The following MECOM variants were observed in gnomAD, a reference collection of about 807,000 sequenced individuals.
MECOM encodes the protein histone-lysine N-methyltransferase MECOM.
A neutral mutation model predicts 116.3 loss-of-function variants in MECOM; 13 were observed. The observed-to-expected ratio is 0.11, with a 90% CI of 0.07 to 0.18. MECOM has a LOEUF of 0.18. MECOM is among the 10% of genes least tolerant of loss of function. MECOM has a pLI of 1.00. For synonymous variants in MECOM, 528 were observed against 535.2 expected (o/e 0.99, Z 0.19); for missense variants, 1,299 against 1,509.0 (o/e 0.86, Z 2.31).
At chr3:169,559,469 CT>C (rs1303195063) in intron 1 of MECOM, among the ~76,000 whole-genome samples, 1 of 152,172 alleles carries the variant, frequency 6.6e-6, no homozygotes, top group African/African-American at 2.4e-5. Context: ...CATAGGCATT[CT>C]ACTATACGTC....
chr3:169,104,387 C>A (rs991441269), intron 10 of MECOM, among the ~76,000 whole-genome samples: 10 of 152,126 alleles, frequency 6.6e-5, no homozygotes, highest in Non-Finnish European at 1.5e-4. Context: ...TTGTTCCTTG[C>A]AGAAAATCAT....
At chr3:169,095,583 A>AT (rs974529350) in intron 12 of MECOM, among the ~76,000 whole-genome samples, 4 of 152,118 alleles carry the variant, frequency 2.6e-5, no homozygotes, top group Admixed American at 6.5e-5. Flanking sequence ...AATACAACTA[A>AT]TTTTTTTGTA....
At chr3:169,612,478 T>C (rs1421049170) in intron 1 of MECOM, among the ~76,000 whole-genome samples, 3 of 152,162 alleles carry the variant, frequency 2.0e-5, no homozygotes, top group Non-Finnish European at 4.4e-5. Flanking sequence ...TGGCTTTTTG[T>C]CTTGTTTTTT....
rs188695153 is a variant in MECOM, at chr3:169,197,313, A to C, written c.376-53481T>G. ...CCTGCACAAGTACTCCTGAACCTAA[A>C]AATTAAAAATAAATAAATAAATAAA... On this transcript the variant is annotated intron_variant, in intron 2 of 16. Coordinates refer to ENST00000651503, the MANE Select transcript of MECOM (RefSeq NM_004991.4). Among the ~76,000 whole-genome samples the C allele has an allele frequency of 1.7e-3, 235 of 140,972 alleles. 2 individuals are homozygous for C. The highest frequency in any genetic ancestry group is 5.7e-3 in the African/African-American group (221 of 38,480). The allele number at this position is 140,972 out of a possible 152,430, so 92.5% of individuals were successfully genotyped here.
intron 1 of MECOM, among the ~76,000 whole-genome samples, chr3:169,400,633 G>A (rs1735727008): frequency 6.6e-6 from 1 of 152,178 alleles, no homozygotes; most frequent in South Asian, 2.1e-4. Context: ...TTTGATTCCT[G>A]CATTCTCAGA....
At chr3:169,486,151 T>C (rs114203577) in intron 1 of MECOM, among the ~76,000 whole-genome samples, 1,736 of 150,354 alleles carry the variant, frequency 0.012, 19 homozygotes, top group Admixed American at 0.021. Flanking sequence ...TTTGTGTTTT[T>C]AATTATTCTT....
intron 12 of MECOM, among the ~76,000 whole-genome samples, chr3:169,098,871 G>T (rs259661): frequency 6.6e-6 from 1 of 151,786 alleles, no homozygotes; most frequent in Non-Finnish European, 1.5e-5. Context: ...TTTATTAAAA[G>T]GTTGCAAAGA....
chr3:169,504,150 A>AGTGTGTGTGTGT (rs3044764), intron 1 of MECOM, among the ~76,000 whole-genome samples: 5,602 of 132,564 alleles, frequency 0.042, 185 homozygotes, highest in Admixed American at 0.078. Context: ...GAAAAAGAGA[A>AGTGTGTGTGTGT]GTGTGTGTGT....
intron 6 of MECOM, among the ~76,000 whole-genome samples, chr3:169,122,036 T>C (rs1485024200): frequency 1.3e-5 from 2 of 152,188 alleles, no homozygotes; most frequent in African/African-American, 4.8e-5. Flanking sequence ...TTCACAGTTA[T>C]GGTCTAAGTT....
chr3:169,203,416 C>T (rs1015078126), intron 2 of MECOM, among the ~76,000 whole-genome samples: 1 of 152,060 alleles, frequency 6.6e-6, no homozygotes, highest in South Asian at 2.1e-4. Flanking sequence ...CACTTAACCT[C>T]TCTGAACTTA....
chr3:169,550,725 G>T (rs1761269655), intron 1 of MECOM, among the ~76,000 whole-genome samples: 1 of 151,920 alleles, frequency 6.6e-6, no homozygotes, highest in African/African-American at 2.4e-5. Flanking sequence ...CCAAACCAAA[G>T]CAAGGTGGTA....
intron 1 of MECOM, among the ~76,000 whole-genome samples, chr3:169,440,776 G>A (rs964050065): frequency 6.6e-6 from 1 of 152,086 alleles, no homozygotes; most frequent in African/African-American, 2.4e-5. Context: ...TTGGGAGGGG[G>A]AGATGAGAAA....
intron 1 of MECOM, among the ~76,000 whole-genome samples, chr3:169,578,859 C>T (rs1764802126): frequency 6.6e-6 from 1 of 152,186 alleles, no homozygotes; most frequent in African/African-American, 2.4e-5. Context: ...CATTTAACCA[C>T]ATATTATGGC....
At chr3:169,354,660 A>T (rs186534191) in intron 2 of MECOM, among the ~76,000 whole-genome samples, 1 of 152,090 alleles carries the variant, frequency 6.6e-6, no homozygotes, top group African/African-American at 2.4e-5. Context: ...ATGGCTAATC[A>T]TAGAACGCTG....
chr3:169,263,141 T>C (rs1477245859), intron 2 of MECOM, among the ~76,000 whole-genome samples: 2 of 121,074 alleles, frequency 1.7e-5, no homozygotes, highest in Non-Finnish European at 3.4e-5. Flanking sequence ...TTTTTTTTTT[T>C]TTTTTGAGAC....
intron 1 of MECOM, among the ~76,000 whole-genome samples, chr3:169,578,198 C>G (rs1764734713): frequency 6.6e-6 from 1 of 152,056 alleles, no homozygotes; most frequent in South Asian, 2.1e-4. Context: ...GTGATATGGA[C>G]TTGAAATCAC....
At chr3:169,563,049 A>G (rs1292625054) in intron 1 of MECOM, among the ~76,000 whole-genome samples, 7 of 149,464 alleles carry the variant, frequency 4.7e-5, no homozygotes, top group African/African-American at 1.7e-4. Context: ...GGGTGACAAG[A>G]AAAAAGCTCC....
At chr3:169,127,440 C>T (rs1036975887) in intron 5 of MECOM, among the ~76,000 whole-genome samples, 4 of 152,010 alleles carry the variant, frequency 2.6e-5, no homozygotes, top group African/African-American at 9.7e-5. Context: ...AGATCATTTA[C>T]CTGTCATTAA....
intron 2 of MECOM, among the ~76,000 whole-genome samples, chr3:169,263,901 TAAC>T (rs759744226): frequency 5.3e-5 from 8 of 151,004 alleles, no homozygotes; most frequent in Non-Finnish European, 1.2e-4. Context: ...GGTAGAAAGA[TAAC>T]AAATGAAAAT....
Sources: allele counts gnomAD v4.1 joint callset (sites outside exome capture counted in the v4.1 genomes callset), GRCh38; gene constraint gnomAD v4.1.1; transcripts MANE v1.5; gene names NCBI Gene and HGNC (gene_info 2026-07-23, HGNC 2026-07-21).